Variants in SLC26A5 observed in about 807,000 individuals in gnomAD.
SLC26A5 encodes solute carrier family 26 member 5, also known as prestin.
Under a neutral mutation model 81.0 loss-of-function variants are expected in SLC26A5, and 51 were observed. The ratio of observed to expected loss-of-function variants is 0.63; its 90% CI spans 0.50 to 0.80. SLC26A5 has a LOEUF of 0.80. Ranked by LOEUF, SLC26A5 falls within the 30% of genes least tolerant of loss-of-function variation. SLC26A5 has a pLI of 0.00. For missense variants in SLC26A5, 771 were observed against 905.8 expected (o/e 0.85, Z 1.91); for synonymous variants, 325 against 332.8 (o/e 0.98, Z 0.25).
intron 2 of SLC26A5, among the ~76,000 whole-genome samples, chr7:103,434,512 T>C (rs1235415367): frequency 1.3e-5 from 2 of 152,172 alleles, no homozygotes; most frequent in African/African-American, 4.8e-5. Flanking sequence ...ATTGTCAATT[T>C]CTTACCTTTT....
rs1234030538 is a variant in SLC26A5, at chr7:103,410,419, GT to G, written c.700del (p.Thr234GlnfsTer29). 4 of 1,613,980 alleles carry G rather than the reference GT, an allele frequency of 2.5e-6. No individual in the cohort carries two copies. The African/African-American group carries it at 5.3e-5, about 22-fold the overall frequency. On this transcript the variant is annotated frameshift_variant, in exon 7 of 20. Transcript: ENST00000306312. LOFTEE classifies it high-confidence loss of function. The stretch of plus-strand genomic sequence containing the variant: ...GGAAAAGATTCCACTGTACCGCTTT[GT>G]TTTAACTCCAAACAGATATTTTAAC... Reference protein sequence around the residue: ...SMLKYLFGVKTKRYSGIFSVV... With the variant: ...SMLKYLFGVKXKRYSGIFSVV...
In SLC26A5 at chr7:103,390,421, A is replaced by G; in HGVS notation, c.1311+8T>C. 6.2e-7 allele frequency: 1 copy of G among 1,613,086 alleles called. No homozygotes were observed. The highest frequency in any genetic ancestry group is 1.1e-5 in the South Asian group (1 of 91,062). ...AAAAAACTTCACCCAAGTCCACATT[A>G]CACACACCTGGGGCAATGATTCAAA... On this transcript the variant is annotated splice_region_variant and intron_variant, in intron 12 of 19. Coordinates refer to ENST00000306312, the MANE Select transcript of SLC26A5 (RefSeq NM_198999.3).
downstream of SLC26A5, among the ~76,000 whole-genome samples, chr7:103,369,712 T>G (rs1820919242): frequency 6.6e-6 from 1 of 152,160 alleles, no homozygotes; most frequent in Admixed American, 6.5e-5. Flanking sequence ...TCTATATACA[T>G]GTGTGTAGAT....
Position 103,374,610 on chromosome 7 carries a change from G to T in SLC26A5, c.2042-18C>A. ...AACTTGTGCTATTAAAAGAAGAAAA[G>T]AAAATTAGTCCACACTCTGGATATC... is the stretch of plus-strand genomic sequence containing the variant. On this transcript the variant is annotated intron_variant, in intron 19 of 19. Coordinates refer to ENST00000306312, the MANE Select transcript of SLC26A5 (RefSeq NM_198999.3). The T allele has an allele frequency of 1.2e-6, 2 of 1,604,534 alleles. No homozygotes were observed. Among genetic ancestry groups the T allele is most frequent in the East Asian group, 4.5e-5 (2 of 44,166 alleles).
intron 8 of SLC26A5, 141 bp downstream of exon 8, chr7:103,407,709 AT>A: frequency 1.1e-6 from 1 of 903,754 alleles, no homozygotes; most frequent in Admixed American, 2.4e-5. Flanking sequence ...TTGTCAATGA[AT>A]TTGTCAAATT....
intron 19 of SLC26A5, among the ~76,000 whole-genome samples, chr7:103,356,509 T>C (rs1186021750): frequency 1.3e-5 from 2 of 152,248 alleles, no homozygotes; most frequent in Non-Finnish European, 2.9e-5. Flanking sequence ...TACGCAGTTT[T>C]CAATTTTTAC....
intron 19 of SLC26A5, among the ~76,000 whole-genome samples, chr7:103,361,530 AAAAG>A (rs1563491958): frequency 1.3e-5 from 2 of 149,740 alleles, no homozygotes; most frequent in South Asian, 2.1e-4. Flanking sequence ...AAAAAAAAAA[AAAAG>A]AAAAACGGAT....
chr7:103,434,342 C>T (rs987523750), intron 2 of SLC26A5, among the ~76,000 whole-genome samples: 4 of 152,228 alleles, frequency 2.6e-5, no homozygotes, highest in East Asian at 1.9e-4. Context: ...TAATCTTAAA[C>T]GACTTTATTT....
rs778471150 is a variant in SLC26A5 at position 103,374,460 on chromosome 7, G to C, written c.2174C>G (p.Ser725Trp). ...LREALAEQEA[S>W]APPSQEDLEP... is the part of the protein sequence containing the mutation. ...CAAGTCCTCCTGGGAAGGGGGAGCCGAGGCTTCCTGTTCAGCAAGTGCCTC... is the reference window on the plus strand; with the variant it reads ...CAAGTCCTCCTGGGAAGGGGGAGCCCAGGCTTCCTGTTCAGCAAGTGCCTC... The change falls in exon 20 of 20, where the codon TCG becomes TGG. Residue 725 changes from serine (S) to tryptophan (W), a missense_variant. Coordinates refer to ENST00000306312, the MANE Select transcript of SLC26A5 (RefSeq NM_198999.3). 2.5e-6 allele frequency: 4 copies of C among 1,613,076 alleles called. No homozygotes were observed. In the African/African-American group the frequency reaches 4.0e-5, roughly 16 times the overall value.
At chr7:103,379,197 A>G in intron 16 of SLC26A5, 46 bp downstream of exon 16, 1 of 1,363,334 alleles carries the variant, frequency 7.3e-7, no homozygotes, top group Non-Finnish European at 1.1e-6. Context: ...ATCCCTGTCA[A>G]CCCACAAATC....
rs554821694 is a variant in SLC26A5 at position 103,391,107 on chromosome 7, C to T, written c.1233+515G>A. Among the ~76,000 whole-genome samples, 7 of 152,292 alleles carry T rather than the reference C, an allele frequency of 4.6e-5. No homozygotes were observed. The East Asian group carries it at 1.4e-3, about 29-fold the overall frequency. On this transcript the variant is annotated intron_variant, in intron 11 of 19. Transcript: ENST00000306312. ...CTCGATCTCTTGACCTCATGATCTG[C>T]CCGCCTTGGCCTCCCAGAGTGCTGC... is the stretch of plus-strand genomic sequence containing the variant.
chr7:103,408,040 A>C, intron 7 of SLC26A5, 37 bp from the exon 8 acceptor site: 1 of 1,613,606 alleles, frequency 6.2e-7, no homozygotes, highest in South Asian at 1.1e-5. Context: ...TACATCAAGA[A>C]ATCGCCCCTG....
chr7:103,369,406 T>C (rs1269954361), downstream of SLC26A5: 1 of 152,278 alleles, frequency 6.6e-6, no homozygotes, highest in Non-Finnish European at 1.5e-5. Context: ...CTCTGAAGTC[T>C]TTCCACTTTG....
chr7:103,363,308 G>A (rs566030909), intron 19 of SLC26A5: 2 of 1,526,676 alleles, frequency 1.3e-6, no homozygotes, highest in African/African-American at 2.7e-5. Flanking sequence ...CAAAAAGCCT[G>A]TGACTGTATG....
At chr7:103,408,058 C>A in intron 7 of SLC26A5, 55 bp from the exon 8 acceptor site, 1 of 1,607,972 alleles carries the variant, frequency 6.2e-7, no homozygotes, top group Non-Finnish European at 8.5e-7. Context: ...CTGAGAGAGA[C>A]AGAGACACTC....
rs1488557614 is a variant in SLC26A5 at position 103,407,980 on chromosome 7, A to G, written c.759T>C (p.Asn253=). Residue 253 remains asparagine (N), a synonymous_variant, in exon 8 of 20, where the codon AAT becomes AAC. Transcript: ENST00000306312. ...GGGAACACACGTTGAGGTTTTTAACATTCTGCAACACAGCAACTGTACTCT... is the reference window on the plus strand; with the variant it reads ...GGGAACACACGTTGAGGTTTTTAACGTTCTGCAACACAGCAACTGTACTCT... ...VVYSTVAVLQ[N]VKNLNVCSLG... 2 of 1,614,056 alleles carry G rather than the reference A, an allele frequency of 1.2e-6. No individual in the cohort carries two copies. The highest frequency in any genetic ancestry group is 1.7e-6 in the Non-Finnish European group (2 of 1,180,040).
intron 15 of SLC26A5, 117 bp from the exon 16 acceptor site, chr7:103,379,452 G>A: frequency 1.5e-6 from 1 of 668,188 alleles, no homozygotes; most frequent in East Asian, 2.8e-5. Flanking sequence ...CCCCTTTTCA[G>A]GGCTTAGCTA....
At chr7:103,366,450 T>C (rs1820724521) in intron 19 of SLC26A5, among the ~76,000 whole-genome samples, 1 of 152,216 alleles carries the variant, frequency 6.6e-6, no homozygotes, top group African/African-American at 2.4e-5. Flanking sequence ...TATTTTGGAT[T>C]TTGGCTTTTG....
At chr7:103,397,616 C>G (rs995408091) in intron 9 of SLC26A5, among the ~76,000 whole-genome samples, 1 of 147,100 alleles carries the variant, frequency 6.8e-6, no homozygotes, top group South Asian at 2.1e-4. Context: ...ACTTGGGAGG[C>G]TGAGGCAGCA....
Sources: gnomAD v4.1 joint callset for allele counts (sites outside exome capture counted in the v4.1 genomes callset) on GRCh38, gnomAD v4.1.1 for gene constraint, MANE v1.5 for transcripts, NCBI Gene and HGNC (gene_info 2026-07-23, HGNC 2026-07-21) for gene names.